ALG11: variants seen among roughly 807,000 people sequenced by gnomAD.
The protein encoded by ALG11 is ALG11 alpha-1,2-mannosyltransferase.
Under a neutral mutation model 38.8 loss-of-function variants are expected in ALG11, and 26 were observed. That is an observed-to-expected ratio of 0.67 (90% confidence interval 0.49 to 0.93). The LOEUF (loss-of-function observed/expected upper bound fraction) is 0.93, where lower values mean the gene tolerates loss of function less well. Among genes scored for constraint, ALG11 ranks in the 40% least tolerant of loss-of-function variants. The probability of loss-of-function intolerance (pLI) is 0.00; values close to 1 mark genes in which losing one functional copy is unlikely to be tolerated. For missense variants in ALG11, 535 were observed against 578.8 expected (o/e 0.92, Z 0.78); for synonymous variants, 199 against 211.6 (o/e 0.94, Z 0.52).
At chr13:52,026,870 A>G (rs1237494691) in intron 3 of ALG11, among the ~76,000 whole-genome samples, 1 of 152,206 alleles carries the variant, frequency 6.6e-6, no homozygotes, top group Non-Finnish European at 1.5e-5. Context: ...GTAGTTATCA[A>G]AGCTCCCGTG....
chr13:52,024,749 T>C lies in ALG11; in HGVS notation c.1019T>C (p.Val340Ala). 1 of 1,614,228 alleles carries C rather than the reference T, an allele frequency of 6.2e-7. No homozygotes were observed. The highest frequency in any genetic ancestry group is 1.3e-5 in the African/African-American group (1 of 75,056). ...GAGTCACCTCCTTCGCTTAAACTTG[T>C]CCTCATTGGAGGTTGTCGTAACAAA... ...MVESPPSLKL[V>A]LIGGCRNKDD... Residue 340 changes from valine to alanine, a missense_variant, in exon 3 of 4, where the codon GTC becomes GCC. Transcript: ENST00000521508.
intron 2 of ALG11, chr13:52,023,102 G>C (rs1954200131): frequency 6.6e-6 from 1 of 152,162 alleles, no homozygotes; most frequent in South Asian, 2.1e-4. Context: ...AGCTTTTAAA[G>C]ACTTGCATTT....
intron 1 of ALG11, chr13:52,015,725 C>T (rs1954128939): frequency 6.5e-6 from 1 of 153,066 alleles, no homozygotes; most frequent in African/African-American, 2.4e-5. Flanking sequence ...CGCCATGATT[C>T]TGAGGCCTCA....
chr13:52,018,978 T>C lies in ALG11; in HGVS notation c.110T>C (p.Ile37Thr), dbSNP rs760586914. ...GGAACTTTATGTGTGTGTTTGGTCA[T>C]TGTCCTTTGGGGAATCAGACTGCTG... Reference protein sequence around the residue: ...VCGTLCVCLVIVLWGIRLLLQ... With the variant: ...VCGTLCVCLVTVLWGIRLLLQ... Residue 37 changes from isoleucine (I) to threonine (T), a missense_variant, in exon 2 of 4, where the codon ATT becomes ACT. Coordinates refer to ENST00000521508, the MANE Select transcript of ALG11 (RefSeq NM_001004127.3). 7 of 1,614,084 alleles carry C rather than the reference T, an allele frequency of 4.3e-6. No individual in the cohort carries two copies. The highest frequency in any genetic ancestry group is 5.9e-6 in the Non-Finnish European group (7 of 1,180,006).
In ALG11 at chr13:52,033,595, C is replaced by CATT. The variant is rs1954328654; in HGVS notation, c.*5007_*5009dup. The stretch of plus-strand genomic sequence containing the variant: ...ATAAAAGTTTGTCTTGCTTGTGAAA[C>CATT]ATTAAGAAGAGGCTGTCAGGTTTAA... On this transcript the variant is annotated 3_prime_UTR_variant, in exon 4 of 4. Coordinates refer to ENST00000521508, the MANE Select transcript of ALG11 (RefSeq NM_001004127.3). 6.0e-6 allele frequency: 1 copy of CATT among 166,720 alleles called. No individual in the cohort carries two copies. Among genetic ancestry groups the CATT allele is most frequent in the South Asian group, 2.1e-4 (1 of 4,824 alleles). The allele number at this position is 166,720 out of a possible 1,614,324, so 10.3% of individuals were successfully genotyped here.
rs558960252 is a variant in ALG11, at chr13:52,013,076, C to A, written c.44+614C>A. On this transcript the variant is annotated intron_variant, in intron 1 of 3. Transcript: ENST00000521508. Reference sequence around the variant, plus strand: ...AAAATAGATAAGTAAAAGGAAAAAACCCCAGGAATGCTACCATCCGGAGAT... The same window carrying A: ...AAAATAGATAAGTAAAAGGAAAAAAACCCAGGAATGCTACCATCCGGAGAT... 3.3e-5 allele frequency among the ~76,000 whole-genome samples: 5 copies of A among 152,210 alleles called. No individual in the cohort carries two copies. In the East Asian group the frequency reaches 9.6e-4, roughly 29 times the overall value.
chr13:52,027,888 GTCT>G (rs1346889202), intron 3 of ALG11, among the ~76,000 whole-genome samples: 7 of 151,890 alleles, frequency 4.6e-5, no homozygotes, highest in African/African-American at 7.3e-5. Flanking sequence ...ACATTCTCTA[GTCT>G]TCTTTTTTAA....
At chr13:52,020,643 G>A (rs1418437794) in intron 2 of ALG11, 1 of 152,184 alleles carries the variant, frequency 6.6e-6, no homozygotes, top group Admixed American at 6.5e-5. Context: ...GTCCCCAGCA[G>A]CCTCTATTAC....
Position 52,024,203 on chromosome 13 carries a change from T to G in ALG11, c.473T>G (p.Phe158Cys), listed in dbSNP as rs1954214410. Residue 158 changes from phenylalanine to cysteine, a missense_variant, in exon 3 of 4, where the codon TTT becomes TGT. Transcript: ENST00000521508. ...CTGGGCCAAAGTCTAGGATCCATTTTTCTTGGCTGGGAAGCTCTAATGCAG... is the reference window on the plus strand; with the variant it reads ...CTGGGCCAAAGTCTAGGATCCATTTGTCTTGGCTGGGAAGCTCTAATGCAG... The part of the protein sequence containing the change: ...TLLGQSLGSI[F>C]LGWEALMQCV... 1.2e-6 allele frequency: 2 copies of G among 1,614,080 alleles called. No homozygotes were observed. Among genetic ancestry groups the G allele is most frequent in the African/African-American group, 2.7e-5 (2 of 74,940 alleles).
In ALG11 at chr13:52,030,667, G is replaced by A. The variant is rs1415344934; in HGVS notation, c.*2077G>A. On this transcript the variant is annotated 3_prime_UTR_variant, in exon 4 of 4. Transcript: ENST00000521508. ...AAGCTGTGGAGGCGAGTAAGCCAAA[G>A]GACGTGGACCTGACACTACCTGGCT... 2 of 1,614,222 alleles carry A rather than the reference G, an allele frequency of 1.2e-6. No individual in the cohort carries two copies. The highest frequency in any genetic ancestry group is 1.7e-5 in the Admixed American group (1 of 60,018).
rs1163102617 is a variant in ALG11, at chr13:52,031,101, T to G, written c.*2511T>G. The G allele has an allele frequency of 6.2e-7, 1 of 1,603,018 alleles. No individual in the cohort carries two copies. The highest frequency in any genetic ancestry group is 8.5e-7 in the Non-Finnish European group (1 of 1,173,898). On this transcript the variant is annotated 3_prime_UTR_variant, in exon 4 of 4. Transcript: ENST00000521508. ...ACACGTCACAATAAAGAAGAAAAAC[T>G]GTAGGTTGTGTAGCTGGAGAAGTGA...
rs1566706740 is a variant in ALG11 at position 52,024,861 on chromosome 13, A to G, written c.1131A>G (p.Pro377=). Residue 377 remains proline (P), a synonymous_variant, in exon 3 of 4, where the codon CCA becomes CCG. Coordinates refer to ENST00000521508, the MANE Select transcript of ALG11 (RefSeq NM_001004127.3). ...ATGTGGAATTTAAAATAAACATTCC[A>G]TTTGATGAATTAAAGAATTATTTGT... ...QEYVEFKINI[P]FDELKNYLSE... is the part of the protein sequence containing the mutation. 3.1e-6 allele frequency: 5 copies of G among 1,614,002 alleles called. No homozygotes were observed. The highest frequency in any genetic ancestry group is 4.2e-6 in the Non-Finnish European group (5 of 1,179,988).
At position 52,030,133 on chromosome 13, in the gene ALG11, T is replaced by G; in HGVS notation, c.*1543T>G. 1 of 1,614,134 alleles carries G rather than the reference T, an allele frequency of 6.2e-7. No individual in the cohort carries two copies. Among genetic ancestry groups the G allele is most frequent in the Non-Finnish European group, 8.5e-7 (1 of 1,180,028 alleles). ...ACCAGGATGCTGAGCCAGCAAGCAG[T>G]CAAGAAACAAAAGATTCTAGCAGCC... On this transcript the variant is annotated 3_prime_UTR_variant, in exon 4 of 4. Coordinates refer to ENST00000521508, the MANE Select transcript of ALG11 (RefSeq NM_001004127.3).
At chr13:52,024,993 CT>C in intron 3 of ALG11, 56 bp downstream of exon 3, 1 of 1,531,276 alleles carries the variant, frequency 6.5e-7, no homozygotes, top group Non-Finnish European at 8.9e-7. Flanking sequence ...ATTTTAAGTT[CT>C]TTTGATAAAA....
chr13:52,024,177 G>A lies in ALG11; in HGVS notation c.447G>A (p.Leu149=), dbSNP rs915102671. 1 of 1,614,040 alleles carries A rather than the reference G, an allele frequency of 6.2e-7. No individual in the cohort carries two copies. The highest frequency in any genetic ancestry group is 8.5e-7 in the Non-Finnish European group (1 of 1,180,018). The change falls in exon 3 of 4, where the codon CTG becomes CTA. Residue 149 remains leucine, a synonymous_variant. Transcript: ENST00000521508. ...VEDSLYPHFT[L]LGQSLGSIFL... The stretch of plus-strand genomic sequence containing the variant: ...ATTCACTGTATCCTCACTTCACACT[G>A]CTGGGCCAAAGTCTAGGATCCATTT...
At chr13:52,015,671 AT>A in intron 1 of ALG11, 1 of 154,146 alleles carries the variant, frequency 6.5e-6, no homozygotes, top group Non-Finnish European at 1.4e-5. Flanking sequence ...CTTCTTTCTG[AT>A]TTTTCTCTTG....
chr13:52,023,969 A>G (rs763696693), intron 2 of ALG11, 37 bp from the exon 3 acceptor site: 2 of 1,602,840 alleles, frequency 1.2e-6, no homozygotes. Flanking sequence ...TAATTTTTGT[A>G]ACTTAATATA....
intron 2 of ALG11, 129 bp from the exon 3 acceptor site, chr13:52,023,877 C>T (rs915070099): frequency 2.9e-5 from 21 of 735,866 alleles, no homozygotes; most frequent in Admixed American, 6.6e-5. Context: ...TCACTGCAAC[C>T]TCCGCCTCCT....
chr13:52,021,781 G>C (rs1954185891), intron 2 of ALG11: 1 of 152,298 alleles, frequency 6.6e-6, no homozygotes, highest in African/African-American at 2.4e-5. Flanking sequence ...GACCTGCTGG[G>C]GGCTGTCGGG....
Sources: gnomAD v4.1 joint callset for allele counts (sites outside exome capture counted in the v4.1 genomes callset) on GRCh38, gnomAD v4.1.1 for gene constraint, MANE v1.5 for transcripts, NCBI Gene and HGNC (gene_info 2026-07-23, HGNC 2026-07-21) for gene names.